The following PTPRD variants were observed in gnomAD, a reference collection of about 807,000 sequenced individuals.
PTPRD encodes protein tyrosine phosphatase receptor type D.
In PTPRD, 34 loss-of-function variants were observed where a neutral mutation model predicts 214.5. That is an observed-to-expected ratio of 0.16 (90% confidence interval 0.12 to 0.21). PTPRD has a LOEUF of 0.21. PTPRD is among the 10% of genes least tolerant of loss of function. PTPRD has a pLI of 1.00. For missense variants in PTPRD, 2,545 were observed against 2,398.7 expected (o/e 1.06, Z -1.27); for synonymous variants, 1,128 against 845.7 (o/e 1.33, Z -5.79).
intron 6 of PTPRD, among the ~76,000 whole-genome samples, chr9:9,757,245 A>AAAC (rs1239774101): frequency 6.6e-6 from 1 of 152,102 alleles, no homozygotes; most frequent in African/African-American, 2.4e-5. Flanking sequence ...AACATTTAAT[A>AAAC]TTTACTCTTC....
chr9:8,563,903 G>C (rs1340088638), intron 14 of PTPRD, among the ~76,000 whole-genome samples: 2 of 152,194 alleles, frequency 1.3e-5, no homozygotes, highest in African/African-American at 4.8e-5. Flanking sequence ...GACCTCAAGT[G>C]AATCTGCCTG....
chr9:8,708,689 A>AC (rs1565452407), intron 12 of PTPRD, among the ~76,000 whole-genome samples: 1 of 146,592 alleles, frequency 6.8e-6, no homozygotes. Context: ...CAAAAAAAAA[A>AC]AAAAAAAAAA....
intron 11 of PTPRD, among the ~76,000 whole-genome samples, chr9:8,995,048 G>A (rs1051877212): frequency 1.3e-5 from 2 of 151,886 alleles, no homozygotes; most frequent in African/African-American, 4.8e-5. Context: ...GAGACATGGG[G>A]GTAGAAAAAC....
chr9:9,928,610 C>G (rs1395641419), intron 5 of PTPRD, among the ~76,000 whole-genome samples: 1 of 152,070 alleles, frequency 6.6e-6, no homozygotes, highest in Non-Finnish European at 1.5e-5. Flanking sequence ...ATGGAAAAAT[C>G]CATTACTACT....
At chr9:8,632,458 G>A (rs909551605) in intron 14 of PTPRD, among the ~76,000 whole-genome samples, 22 of 151,732 alleles carry the variant, frequency 1.4e-4, no homozygotes, top group African/African-American at 5.3e-4. Flanking sequence ...CCTAAATTTT[G>A]GAACAGAGGA....
chr9:9,460,096 A>C (rs1576801), intron 8 of PTPRD, among the ~76,000 whole-genome samples: 19,139 of 152,076 alleles, frequency 0.13, 1,283 homozygotes, highest in Middle Eastern at 0.23. Flanking sequence ...CAATGGGGAA[A>C]GGACATCTTA....
chr9:9,361,152 C>A (rs2055989255), intron 9 of PTPRD, among the ~76,000 whole-genome samples: 2 of 150,992 alleles, frequency 1.3e-5, no homozygotes. Context: ...TTGGGGGACC[C>A]TATAGGTCAA....
intron 2 of PTPRD, among the ~76,000 whole-genome samples, chr9:10,435,943 TG>T (rs2098714307): frequency 6.6e-6 from 1 of 151,810 alleles, no homozygotes; most frequent in South Asian, 2.1e-4. Context: ...TACCTATTTT[TG>T]TGTTTCAAAA....
chr9:8,325,156 T>A (rs1338451768), intron 44 of PTPRD, among the ~76,000 whole-genome samples: 2 of 150,054 alleles, frequency 1.3e-5, no homozygotes, highest in Non-Finnish European at 3.0e-5. Context: ...GGTGTTTTAG[T>A]CCTGAAGTCT....
At chr9:8,320,666 G>T (rs528401813) in intron 44 of PTPRD, among the ~76,000 whole-genome samples, 4 of 152,062 alleles carry the variant, frequency 2.6e-5, no homozygotes, top group African/African-American at 4.8e-5. Flanking sequence ...AAAAAAAATG[G>T]TTAAGAGCCA....
At chr9:8,860,756 T>C (rs2098087562) in intron 11 of PTPRD, 1 of 152,206 alleles carries the variant, frequency 6.6e-6, no homozygotes, top group Admixed American at 6.5e-5. Flanking sequence ...GGCTAATCTT[T>C]TGTTGAAATT....
chr9:9,197,617 G>A (rs970040365), intron 9 of PTPRD, among the ~76,000 whole-genome samples: 1 of 152,086 alleles, frequency 6.6e-6, no homozygotes, highest in African/African-American at 2.4e-5. Flanking sequence ...CACCATGTTG[G>A]CCAGGCTGGT....
intron 3 of PTPRD, among the ~76,000 whole-genome samples, chr9:10,173,334 G>T (rs1356800680): frequency 6.6e-6 from 1 of 152,024 alleles, no homozygotes; most frequent in Non-Finnish European, 1.5e-5. Flanking sequence ...TATTAAATTG[G>T]CTAAGGTATT....
intron 3 of PTPRD, among the ~76,000 whole-genome samples, chr9:10,059,689 C>A (rs969743483): frequency 5.3e-5 from 8 of 151,420 alleles, no homozygotes; most frequent in African/African-American, 1.7e-4. Context: ...TGAGGATTAA[C>A]AAATTACTAC....
At chr9:8,490,945 A>G (rs187477546) in intron 27 of PTPRD, among the ~76,000 whole-genome samples, 1 of 152,298 alleles carries the variant, frequency 6.6e-6, no homozygotes, top group African/African-American at 2.4e-5. Flanking sequence ...CACATCTGTG[A>G]GATAAACTCA....
At chr9:9,700,307 C>T (rs2097469751) in intron 7 of PTPRD, among the ~76,000 whole-genome samples, 2 of 151,964 alleles carry the variant, frequency 1.3e-5, no homozygotes, top group Non-Finnish European at 2.9e-5. Context: ...TTTTCTTAGA[C>T]ATTCTGGCAG....
intron 3 of PTPRD, among the ~76,000 whole-genome samples, chr9:10,069,657 T>C (rs1161686089): frequency 6.6e-6 from 1 of 151,952 alleles, no homozygotes; most frequent in Non-Finnish European, 1.5e-5. Flanking sequence ...TTGACCCCAA[T>C]ACAAAAAGAT....
At chr9:8,409,075 G>C (rs1042626630) in intron 35 of PTPRD, among the ~76,000 whole-genome samples, 1 of 152,008 alleles carries the variant, frequency 6.6e-6, no homozygotes, top group African/African-American at 2.4e-5. Context: ...TTGTATTCTC[G>C]ACAAAAACTC....
chr9:10,286,984 G>C (rs888901081), intron 3 of PTPRD, among the ~76,000 whole-genome samples: 2 of 152,136 alleles, frequency 1.3e-5, no homozygotes, highest in South Asian at 2.1e-4. Flanking sequence ...TGTAAGGTTA[G>C]CGAACTTGAA....
Sources: gnomAD v4.1 joint callset for allele counts (sites outside exome capture counted in the v4.1 genomes callset) on GRCh38, gnomAD v4.1.1 for gene constraint, MANE v1.5 for transcripts, NCBI Gene and HGNC (gene_info 2026-07-23, HGNC 2026-07-21) for gene names.